Variants in NRIP1 observed in about 807,000 individuals in gnomAD.
The protein encoded by NRIP1 is nuclear receptor-interacting protein 1.
A neutral mutation model predicts 75.0 loss-of-function variants in NRIP1; 28 were observed. That is an observed-to-expected ratio of 0.37 (90% CI 0.28 to 0.51). The LOEUF is 0.51. Among genes scored for constraint, NRIP1 ranks in the 20% least tolerant of loss-of-function variants. NRIP1 has a pLI of 0.92. For missense variants in NRIP1, 1,435 were observed against 1,343.7 expected (o/e 1.07, Z -1.06); for synonymous variants, 526 against 487.6 (o/e 1.08, Z -1.04).
intron 2 of NRIP1, among the ~76,000 whole-genome samples, chr21:15,018,544 G>T (rs774715397): frequency 4.6e-5 from 7 of 152,182 alleles, no homozygotes; most frequent in Admixed American, 3.9e-4. Context: ...AAAAGAAATA[G>T]TGTATGCAAA....
At chr21:15,061,413 G>T (rs546450158) in intron 1 of NRIP1, among the ~76,000 whole-genome samples, 7 of 152,212 alleles carry the variant, frequency 4.6e-5, no homozygotes, top group African/African-American at 1.7e-4. Context: ...TGCAACTAAG[G>T]CAGTTTTTCA....
intron 3 of NRIP1, among the ~76,000 whole-genome samples, chr21:14,996,017 C>T (rs1358003801): frequency 3.9e-5 from 6 of 152,112 alleles, no homozygotes; most frequent in Non-Finnish European, 7.4e-5. Context: ...TCATTCATTA[C>T]GCTCCAGCCA....
At chr21:15,029,413 C>T (rs565442514) in intron 2 of NRIP1, among the ~76,000 whole-genome samples, 3 of 152,252 alleles carry the variant, frequency 2.0e-5, no homozygotes, top group Non-Finnish European at 4.4e-5. Flanking sequence ...AAGGCCTTCC[C>T]TGGGTGTCAT....
chr21:15,031,148 A>T (rs8128994), intron 2 of NRIP1, among the ~76,000 whole-genome samples: 33 of 70,492 alleles, frequency 4.7e-4, no homozygotes, highest in African/African-American at 6.6e-4. Context: ...CGCACGGAGG[A>T]TCACCACATT....
At chr21:15,062,842 T>G (rs1286596747) in intron 1 of NRIP1, among the ~76,000 whole-genome samples, 1 of 152,212 alleles carries the variant, frequency 6.6e-6, no homozygotes, top group Non-Finnish European at 1.5e-5. Flanking sequence ...TTCACACACT[T>G]CTTTAGTGCA....
intron 3 of NRIP1, among the ~76,000 whole-genome samples, chr21:15,010,386 G>GAA (rs879475536): frequency 1.5e-5 from 2 of 137,104 alleles, no homozygotes; most frequent in Non-Finnish European, 1.6e-5. Flanking sequence ...CATGGAAAAG[G>GAA]AAAAAAAAAA....
intron 2 of NRIP1, among the ~76,000 whole-genome samples, chr21:15,022,924 G>A (rs1190705329): frequency 5.3e-5 from 8 of 152,212 alleles, no homozygotes; most frequent in Non-Finnish European, 2.9e-5. Context: ...GCTGACACAT[G>A]CTACAACATA....
intron 3 of NRIP1, among the ~76,000 whole-genome samples, chr21:14,982,725 T>C (rs1366501451): frequency 6.8e-6 from 1 of 146,286 alleles, no homozygotes; most frequent in Non-Finnish European, 1.5e-5. Flanking sequence ...TTTTGTTTTT[T>C]TTTTTTACAA....
At chr21:15,028,974 G>A (rs1236176210) in intron 2 of NRIP1, among the ~76,000 whole-genome samples, 2 of 151,558 alleles carry the variant, frequency 1.3e-5, no homozygotes, top group African/African-American at 4.9e-5. Context: ...TCTTCCAATT[G>A]TTCAGGCTGC....
Position 14,966,552 on chromosome 21 carries a change from C to A in NRIP1, c.1641G>T (p.Arg547=). The A allele has an allele frequency of 6.2e-7, 1 of 1,614,034 alleles. No individual in the cohort carries two copies. Among genetic ancestry groups the A allele is most frequent in the Non-Finnish European group, 8.5e-7 (1 of 1,179,990 alleles). Residue 547 remains arginine (R), a synonymous_variant, in exon 4 of 4, where the codon CGG becomes CGT. Transcript: ENST00000318948. ...TSVIESPSTN[R]TTPVSTPPLL... is the part of the protein sequence containing the mutation. ...AAGGTGGAGTGCTCACTGGAGTAGT[C>A]CGATTTGTACTGGGGCTTTCTATCA... is the stretch of plus-strand genomic sequence containing the variant.
chr21:15,019,193 CCTTT>C (rs1426889050), intron 2 of NRIP1, among the ~76,000 whole-genome samples: 3 of 148,734 alleles, frequency 2.0e-5, no homozygotes, highest in Non-Finnish European at 4.5e-5. Context: ...AACAATCTTT[CCTTT>C]CTAAGATAAT....
chr21:14,989,232 G>T (rs1267400186), intron 3 of NRIP1, among the ~76,000 whole-genome samples: 1 of 152,108 alleles, frequency 6.6e-6, no homozygotes, highest in Non-Finnish European at 1.5e-5. Flanking sequence ...TTTACCTCAC[G>T]TATGGTCAAA....
intron 3 of NRIP1, among the ~76,000 whole-genome samples, chr21:14,997,362 T>C: frequency 6.6e-6 from 1 of 152,200 alleles, no homozygotes; most frequent in East Asian, 1.9e-4. Context: ...CTGACAAGTA[T>C]GCAGTTTTTG....
intron 2 of NRIP1, among the ~76,000 whole-genome samples, chr21:15,020,529 C>G (rs933962847): frequency 1.3e-5 from 2 of 151,904 alleles, no homozygotes; most frequent in Non-Finnish European, 2.9e-5. Flanking sequence ...CCTTAAGTTA[C>G]AGAAATATTC....
chr21:14,967,324 G>C lies in NRIP1; in HGVS notation c.869C>G (p.Ala290Gly). 6.2e-7 allele frequency: 1 copy of C among 1,614,008 alleles called. No homozygotes were observed. Among genetic ancestry groups the C allele is most frequent in the South Asian group, 1.1e-5 (1 of 91,076 alleles). Residue 290 changes from alanine (A) to glycine (G), a missense_variant, in exon 4 of 4, where the codon GCA becomes GGA. Physicochemically the swap from Ala to Gly is moderately conservative, Grantham distance 60. Coordinates refer to ENST00000318948, the MANE Select transcript of NRIP1 (RefSeq NM_003489.4). Reference sequence around the variant, plus strand: ...AAGTCTTTCACTTGCTGCTTGATTTGCATTTTGCGTTTTTAAAGCGTGTTC... The same window carrying C: ...AAGTCTTTCACTTGCTGCTTGATTTCCATTTTGCGTTTTTAAAGCGTGTTC... Reference protein sequence around the residue: ...SREHALKTQNANQAASERLAA... With the variant: ...SREHALKTQNGNQAASERLAA...
chr21:14,976,994 A>C (rs1047933352), intron 3 of NRIP1, among the ~76,000 whole-genome samples: 2 of 152,150 alleles, frequency 1.3e-5, no homozygotes, highest in Non-Finnish European at 2.9e-5. Context: ...TTGAGTACTG[A>C]ATTTAAAGGG....
Position 14,967,315 on chromosome 21 carries a change from G to A in NRIP1, c.878C>T (p.Ala293Val). 4 of 1,614,074 alleles carry A rather than the reference G, an allele frequency of 2.5e-6. No homozygotes were observed. Among genetic ancestry groups the A allele is most frequent in the Non-Finnish European group, 3.4e-6 (4 of 1,180,010 alleles). Residue 293 changes from alanine to valine, a missense_variant, in exon 4 of 4, where the codon GCA becomes GTA. Ala to Val is a moderately conservative substitution (Grantham distance 64, BLOSUM62 0). Coordinates refer to ENST00000318948, the MANE Select transcript of NRIP1 (RefSeq NM_003489.4). ...CATAGCAGCAAGTCTTTCACTTGCT[G>A]CTTGATTTGCATTTTGCGTTTTTAA... ...HALKTQNANQ[A>V]ASERLAAMAR...
chr21:15,028,041 A>G (rs899776612), intron 2 of NRIP1, among the ~76,000 whole-genome samples: 16 of 152,224 alleles, frequency 1.1e-4, no homozygotes, highest in African/African-American at 3.9e-4. Flanking sequence ...ACTTAAAAAT[A>G]TTTTAAATAA....
At chr21:15,051,614 C>T (rs1290886858) in intron 1 of NRIP1, 1 of 152,220 alleles carries the variant, frequency 6.6e-6, no homozygotes, top group Non-Finnish European at 1.5e-5. Flanking sequence ...GCACTTATCC[C>T]CCATTATAAA....
Sources: gnomAD v4.1 joint callset for allele counts (sites outside exome capture counted in the v4.1 genomes callset) on GRCh38, gnomAD v4.1.1 for gene constraint, MANE v1.5 for transcripts, NCBI Gene and HGNC (gene_info 2026-07-23, HGNC 2026-07-21) for gene names.